Variants in RARB observed in about 807,000 individuals in gnomAD.
RARB encodes retinoic acid receptor beta.
A neutral mutation model predicts 51.9 loss-of-function variants in RARB; 17 were observed. The observed-to-expected ratio is 0.33, with a 90% CI of 0.22 to 0.49. The LOEUF (loss-of-function observed/expected upper bound fraction) is 0.49, where lower values mean the gene tolerates loss of function less well. RARB is among the 20% of genes least tolerant of loss of function. The pLI is 0.99. For synonymous variants in RARB, 215 were observed against 195.4 expected (o/e 1.10, Z -0.84); for missense variants, 369 against 550.8 (o/e 0.67, Z 3.30).
chr3:25,139,550 T>G (rs1354789969), intron 4 of RARB, among the ~76,000 whole-genome samples: 1 of 152,140 alleles, frequency 6.6e-6, no homozygotes, highest in Non-Finnish European at 1.5e-5. Flanking sequence ...AAAAAAAGTT[T>G]GAAACTAGCA....
intron 2 of RARB, among the ~76,000 whole-genome samples, chr3:25,465,892 A>G (rs1283541728): frequency 1.3e-5 from 2 of 152,252 alleles, no homozygotes; most frequent in Admixed American, 6.5e-5. Context: ...GCTCATAGCT[A>G]AAATTTAATG....
intron 5 of RARB, among the ~76,000 whole-genome samples, chr3:25,332,388 C>T (rs1156512744): frequency 8.5e-5 from 13 of 152,142 alleles, no homozygotes; most frequent in South Asian, 2.1e-4. Context: ...AATCAATAAA[C>T]GTAATCCAGC....
intron 3 of RARB, among the ~76,000 whole-genome samples, chr3:25,096,051 T>A (rs1356560110): frequency 1.3e-5 from 2 of 152,202 alleles, no homozygotes; most frequent in Admixed American, 1.3e-4. Flanking sequence ...TGGCATCATT[T>A]CCCTGCTGCC....
chr3:25,099,227 A>G (rs1042443363), intron 3 of RARB, among the ~76,000 whole-genome samples: 3 of 152,156 alleles, frequency 2.0e-5, no homozygotes, highest in Non-Finnish European at 4.4e-5. Context: ...CCTGAGGAAA[A>G]TTGGCCCCCT....
At chr3:25,554,369 C>A (rs1210540425) in intron 3 of RARB, among the ~76,000 whole-genome samples, 1 of 151,980 alleles carries the variant, frequency 6.6e-6, no homozygotes, top group Non-Finnish European at 1.5e-5. Context: ...TACAGGTCAG[C>A]CAACTCTGCA....
chr3:25,384,284 T>C (rs1706727756), intron 5 of RARB, among the ~76,000 whole-genome samples: 1 of 141,830 alleles, frequency 7.1e-6, no homozygotes, highest in Admixed American at 7.0e-5. Flanking sequence ...CTTCCTTCTC[T>C]TTCTCCCTTC....
At chr3:25,054,873 G>T (rs149265204) in intron 2 of RARB, among the ~76,000 whole-genome samples, 2 of 152,140 alleles carry the variant, frequency 1.3e-5, no homozygotes, top group African/African-American at 4.8e-5. Context: ...AAGCAATCTC[G>T]ATTATTGAAA....
chr3:25,292,535 T>C (rs1052320235), intron 5 of RARB, among the ~76,000 whole-genome samples: 9 of 152,196 alleles, frequency 5.9e-5, no homozygotes, highest in African/African-American at 1.9e-4. Flanking sequence ...TAAAGTAGAT[T>C]ATAAGATGAA....
chr3:25,552,100 C>G (rs989764375), intron 3 of RARB, among the ~76,000 whole-genome samples: 1 of 152,036 alleles, frequency 6.6e-6, no homozygotes, highest in African/African-American at 2.4e-5. Context: ...GACAGCAAAG[C>G]CAATAATCAT....
At chr3:25,406,833 A>G (rs1310355977) in intron 5 of RARB, among the ~76,000 whole-genome samples, 1 of 152,152 alleles carries the variant, frequency 6.6e-6, no homozygotes, top group African/African-American at 2.4e-5. Context: ...GTGCTCACGT[A>G]TTTTACATTG....
chr3:25,442,213 G>A, intron 1 of RARB, among the ~76,000 whole-genome samples: 1 of 151,952 alleles, frequency 6.6e-6, no homozygotes, highest in Non-Finnish European at 1.5e-5. Context: ...TCGGCTCACT[G>A]CAACCTCCGC....
intron 2 of RARB, among the ~76,000 whole-genome samples, chr3:24,975,981 C>T (rs1696503116): frequency 6.6e-6 from 1 of 152,202 alleles, no homozygotes; most frequent in Admixed American, 6.5e-5. Flanking sequence ...CATATTTTCT[C>T]ATTGTTCAAC....
intron 4 of RARB, among the ~76,000 whole-genome samples, chr3:25,139,722 A>G (rs1036875111): frequency 6.6e-6 from 1 of 152,208 alleles, no homozygotes; most frequent in African/African-American, 2.4e-5. Context: ...TGTAGAGGAA[A>G]CAACCTTATA....
chr3:25,229,286 C>T lies in RARB; in HGVS notation c.178+54711C>T, dbSNP rs373105865. 6.4e-4 allele frequency among the ~76,000 whole-genome samples: 97 copies of T among 152,048 alleles called. 1 individual carries two copies. The Middle Eastern group carries it at 0.01, about 16-fold the overall frequency. On this transcript the variant is annotated intron_variant, in intron 5 of 11. Coordinates refer to the RARB transcript ENST00000383772. ...TTTTTATTCCTTTTATTCACTTCTA[C>T]GCATTTTAAGAAAGATAATATACAT...
intron 1 of RARB, among the ~76,000 whole-genome samples, chr3:24,857,901 G>C (rs894708913): frequency 2.6e-5 from 4 of 152,192 alleles, no homozygotes; most frequent in Admixed American, 2.6e-4. Context: ...ACTCCAGCTT[G>C]AGCAACAGAG....
intron 3 of RARB, among the ~76,000 whole-genome samples, chr3:25,114,667 T>C (rs1699656688): frequency 6.6e-6 from 1 of 152,216 alleles, no homozygotes; most frequent in African/African-American, 2.4e-5. Context: ...ATGGTTGTTA[T>C]TTCTAGTTGT....
intron 4 of RARB, among the ~76,000 whole-genome samples, chr3:25,163,505 AT>A (rs1210781334): frequency 0.15 from 1,732 of 11,222 alleles, 42 homozygotes; most frequent in Middle Eastern, 0.26. Flanking sequence ...CTATCTCAAA[AT>A]ATATATATAT....
intron 2 of RARB, among the ~76,000 whole-genome samples, chr3:25,028,270 C>T (rs976850761): frequency 2.0e-5 from 3 of 152,164 alleles, no homozygotes; most frequent in African/African-American, 7.2e-5. Context: ...CTTAACAAGT[C>T]CTCCAGGTGA....
chr3:25,281,686 G>GCGT (rs150561368), intron 5 of RARB, among the ~76,000 whole-genome samples: 1,532 of 152,290 alleles, frequency 0.01, 31 homozygotes, highest in African/African-American at 0.035. Context: ...AGTAGCCTAA[G>GCGT]CGTCATGCCA....
Sources: allele counts gnomAD v4.1 joint callset (sites outside exome capture counted in the v4.1 genomes callset), GRCh38; gene constraint gnomAD v4.1.1; transcripts MANE v1.5; gene names NCBI Gene and HGNC (gene_info 2026-07-23, HGNC 2026-07-21).